TASP1: variants seen among roughly 807,000 people sequenced by gnomAD.
The protein encoded by TASP1 is taspase 1.
TASP1 carries 16 observed loss-of-function variants against 56.6 expected under a neutral mutation model. The ratio of observed to expected loss-of-function variants is 0.28; its 90% CI spans 0.19 to 0.43. The LOEUF (loss-of-function observed/expected upper bound fraction) is 0.43, where lower values mean the gene tolerates loss of function less well. Ranked by LOEUF, TASP1 falls within the 20% of genes least tolerant of loss-of-function variation. The pLI is 1.00. For missense variants in TASP1, 393 were observed against 511.6 expected (o/e 0.77, Z 2.24); for synonymous variants, 179 against 184.2 (o/e 0.97, Z 0.23).
chr20:13,159,959 C>A, the TASP1 span: 1 of 1,465,168 alleles, frequency 6.8e-7, no homozygotes, highest in South Asian at 1.5e-5. Context: ...TTGTCTTTTC[C>A]CAACTAACCA....
the TASP1 span, among the ~76,000 whole-genome samples, chr20:13,209,999 C>G: frequency 1.3e-5 from 2 of 152,274 alleles, no homozygotes; most frequent in East Asian, 3.9e-4. Flanking sequence ...GCAACCCATC[C>G]CTGTCTATAC....
chr20:13,317,342 A>AT, the TASP1 span, among the ~76,000 whole-genome samples: 1 of 152,036 alleles, frequency 6.6e-6, no homozygotes, highest in Non-Finnish European at 1.5e-5. Context: ...GGGAGGCTCA[A>AT]TTTTGTCAAG....
chr20:13,528,317 C>T, intron 10 of TASP1, 116 bp downstream of exon 10: 2 of 729,230 alleles, frequency 2.7e-6, no homozygotes, highest in Non-Finnish European at 4.3e-6. Context: ...AGATCTTTCC[C>T]ACATCCATAC....
At chr20:13,498,878 T>C (rs1157305304) in intron 10 of TASP1, among the ~76,000 whole-genome samples, 1 of 150,838 alleles carries the variant, frequency 6.6e-6, no homozygotes, top group Non-Finnish European at 1.5e-5. Flanking sequence ...ATAAATTAGT[T>C]CAACCACTGT....
At chr20:13,490,015 GA>G (rs2043466849) in intron 10 of TASP1, among the ~76,000 whole-genome samples, 3 of 152,126 alleles carry the variant, frequency 2.0e-5, no homozygotes, top group Admixed American at 2.0e-4. Context: ...ACTTTACACT[GA>G]AAGAAGACGA....
At chr20:13,221,911 G>A in the TASP1 span, 24 of 1,347,910 alleles carry the variant, frequency 1.8e-5, no homozygotes, top group South Asian at 1.3e-4. Flanking sequence ...AAGCCCAGCT[G>A]CAGGTGAGTG....
chr20:13,416,137 T>C (rs960830112), intron 13 of TASP1, among the ~76,000 whole-genome samples: 10 of 152,236 alleles, frequency 6.6e-5, no homozygotes, highest in African/African-American at 2.2e-4. Flanking sequence ...TAGCCACATT[T>C]AAGTGCTCAA....
chr20:13,159,130 T>C, the TASP1 span, among the ~76,000 whole-genome samples: 1 of 152,192 alleles, frequency 6.6e-6, no homozygotes, highest in African/African-American at 2.4e-5. Flanking sequence ...GCCTTTGAGC[T>C]TGATATTCTA....
chr20:13,559,042 A>T lies in TASP1; in HGVS notation c.641T>A (p.Met214Lys), dbSNP rs764843924. Residue 214 changes from methionine (M) to lysine (K), a missense_variant, in exon 8 of 14, where the codon ATG becomes AAG. Physicochemically the swap from Met to Lys is moderately conservative, Grantham distance 95. Transcript: ENST00000337743. ...TGATTGTCTTCTTTTCTTTAGTTGC[A>T]TAAAATCTGTGTCCACCCTTTCTGC... is the stretch of plus-strand genomic sequence containing the variant. ...ELAERVDTDFMQLKKRRQSSE... is the reference protein window; with the variant it reads ...ELAERVDTDFKQLKKRRQSSE... The T allele has an allele frequency of 3.1e-5, 49 of 1,596,822 alleles. No individual in the cohort carries two copies. Among genetic ancestry groups the T allele is most frequent in the Middle Eastern group, 3.3e-4 (2 of 6,032 alleles).
chr20:13,321,259 A>T, the TASP1 span, among the ~76,000 whole-genome samples: 2 of 148,262 alleles, frequency 1.3e-5, no homozygotes, highest in African/African-American at 4.9e-5. Context: ...CACATAAAAA[A>T]AAAAAAAAAA....
At chr20:13,201,389 C>A in the TASP1 span, among the ~76,000 whole-genome samples, 1 of 151,592 alleles carries the variant, frequency 6.6e-6, no homozygotes, top group Admixed American at 6.6e-5. Context: ...GTTGGATAGG[C>A]TGTGGAGGGG....
At chr20:13,130,264 C>T in the TASP1 span, among the ~76,000 whole-genome samples, 1 of 152,126 alleles carries the variant, frequency 6.6e-6, no homozygotes, top group Non-Finnish European at 1.5e-5. Flanking sequence ...GTAAAGTTGC[C>T]CAGAGCTCAA....
the TASP1 span, among the ~76,000 whole-genome samples, chr20:13,121,547 CA>C: frequency 6.6e-6 from 1 of 152,112 alleles, no homozygotes; most frequent in Non-Finnish European, 1.5e-5. Context: ...TTTGAACTTC[CA>C]AATGGACGTG....
At chr20:13,476,605 G>A (rs780571373) in intron 11 of TASP1, among the ~76,000 whole-genome samples, 3 of 151,932 alleles carry the variant, frequency 2.0e-5, no homozygotes, top group African/African-American at 4.8e-5. Context: ...TGATAGCAAG[G>A]CTGTTTTATT....
At chr20:13,376,219 T>A in the TASP1 span, among the ~76,000 whole-genome samples, 1 of 152,256 alleles carries the variant, frequency 6.6e-6, no homozygotes, top group Non-Finnish European at 1.5e-5. Flanking sequence ...GTCTTATGTT[T>A]AAGTGTATAA....
chr20:13,613,745 A>T (rs1160837669), intron 4 of TASP1, among the ~76,000 whole-genome samples: 1 of 152,060 alleles, frequency 6.6e-6, no homozygotes, highest in Non-Finnish European at 1.5e-5. Flanking sequence ...TTAATATTAC[A>T]TTTATAAAGA....
At chr20:13,480,072 C>T (rs111542366) in intron 11 of TASP1, among the ~76,000 whole-genome samples, 12 of 152,234 alleles carry the variant, frequency 7.9e-5, no homozygotes, top group African/African-American at 2.9e-4. Flanking sequence ...TCTGTGCTTC[C>T]TAAGTAGTTC....
the TASP1 span, among the ~76,000 whole-genome samples, chr20:13,131,173 A>T: frequency 6.6e-6 from 1 of 152,192 alleles, no homozygotes; most frequent in African/African-American, 2.4e-5. Context: ...TCATGTTTAA[A>T]TCTTCGATGT....
downstream of TASP1, among the ~76,000 whole-genome samples, chr20:13,386,836 T>C (rs545693884): frequency 6.6e-6 from 1 of 152,324 alleles, no homozygotes; most frequent in Non-Finnish European, 1.5e-5. Context: ...AACATATTGA[T>C]ATCCAAATTC....
Sources: gnomAD v4.1 joint callset for allele counts (sites outside exome capture counted in the v4.1 genomes callset) on GRCh38, gnomAD v4.1.1 for gene constraint, MANE v1.5 for transcripts, NCBI Gene and HGNC (gene_info 2026-07-23, HGNC 2026-07-21) for gene names.